The following MED22 variants were observed in gnomAD, a reference collection of about 807,000 sequenced individuals.
MED22 encodes mediator complex subunit 22, also known as mediator of RNA polymerase II transcription subunit 22.
Under a neutral mutation model 22.7 loss-of-function variants are expected in MED22, and 22 were observed. The ratio of observed to expected loss-of-function variants is 0.97; its 90% confidence interval spans 0.69 to 1.38. MED22 has a LOEUF of 1.38. MED22 is among the 40% of genes most tolerant of loss of function. The probability of loss-of-function intolerance (pLI) is 0.00; values close to 1 mark genes in which losing one functional copy is unlikely to be tolerated. For synonymous variants in MED22, 134 were observed against 119.4 expected (o/e 1.12, Z -0.80); for missense variants, 247 against 263.0 (o/e 0.94, Z 0.42).
At chr9:133,343,319 T>C in intron 4 of MED22, 2 of 1,229,434 alleles carry the variant, frequency 1.6e-6, no homozygotes, top group Non-Finnish European at 1.0e-6. Context: ...GAATCTTGAT[T>C]TTCTAAGCTA....
rs1386711088 is a variant in MED22, at chr9:133,340,377, A to C, written c.*1128T>G. 1 of 152,212 alleles carries C rather than the reference A, an allele frequency of 6.6e-6. No individual in the cohort carries two copies. The highest frequency in any genetic ancestry group is 1.5e-5 in the Non-Finnish European group (1 of 68,162). The allele number at this position is 152,212 out of a possible 1,614,324, so 9.4% of individuals were successfully genotyped here. A position where few individuals can be genotyped will look rare whatever the true frequency, so the allele number is the denominator to read the frequency against. On this transcript the variant is annotated 3_prime_UTR_variant, in exon 5 of 5. Transcript: ENST00000343730. ...CTGTCACCTCATTCATACATCGGGA[A>C]AGATGATGGCCTCCCCCATGAGAAG...
rs2129941120 is a variant in MED22 at position 133,338,602 on chromosome 9, G to A, written c.*2903C>T. On this transcript the variant is annotated 3_prime_UTR_variant, in exon 5 of 5. Transcript: ENST00000343730. The stretch of plus-strand genomic sequence containing the variant: ...ATTACAGGCGTGAGCCACCGCGCCC[G>A]GCCAATTTCTATACTTTTTAGTAGA... 7 of 189,134 alleles carry A rather than the reference G, an allele frequency of 3.7e-5. No homozygotes were observed. In the East Asian group the frequency reaches 4.1e-4, roughly 11 times the overall value. 11.7% of individuals were successfully genotyped at this position (189,134 alleles called of 1,614,324 possible). A position where few individuals can be genotyped will look rare whatever the true frequency, so the allele number is the denominator to read the frequency against.
intron 3 of MED22, 125 bp from the exon 4 acceptor site, chr9:133,344,458 A>ACTC: frequency 1.1e-6 from 1 of 893,154 alleles, no homozygotes; most frequent in East Asian, 2.6e-5. Context: ...GCAAAGTGGG[A>ACTC]CTCTACCCCT....
intron 4 of MED22, chr9:133,343,604 C>T (rs113255015): frequency 1.8e-5 from 23 of 1,244,242 alleles, no homozygotes; most frequent in Non-Finnish European, 2.1e-5. Context: ...CATTCCCTGC[C>T]TGGGCTTCAT....
chr9:133,345,976 T>C (rs1836168029), intron 2 of MED22, among the ~76,000 whole-genome samples: 1 of 151,986 alleles, frequency 6.6e-6, no homozygotes, highest in Admixed American at 6.5e-5. Flanking sequence ...CCTCACAGAG[T>C]CCTCATGAAG....
Position 133,346,486 on chromosome 9 carries a change from T to C in MED22, c.123+54A>G, listed in dbSNP as rs2129968296. ...GCGCTGCTCAGCCCCTGGCCTCTCCTGTCTCCACCCCTTCTCAGACTCTGC... is the reference window on the plus strand; with the variant it reads ...GCGCTGCTCAGCCCCTGGCCTCTCCCGTCTCCACCCCTTCTCAGACTCTGC... On this transcript the variant is annotated intron_variant, in intron 2 of 4. Transcript: ENST00000343730. The C allele has an allele frequency of 3.7e-6, 6 of 1,605,914 alleles. No individual in the cohort carries two copies. The East Asian group carries it at 1.1e-4, about 30-fold the overall frequency.
rs118141507 is a variant in MED22, at chr9:133,339,270, A to G, written c.*2235T>C. 72 of 662,946 alleles carry G rather than the reference A, an allele frequency of 1.1e-4. No homozygotes were observed. The highest frequency in any genetic ancestry group is 2.0e-4 in the Admixed American group (10 of 50,596). The allele number at this position is 662,946 out of a possible 1,614,324, so 41.1% of individuals were successfully genotyped here. Reference sequence around the variant, plus strand: ...GAGAATGAATGTGCATATTCAGCACACTAAGCACTCTAAGAGCCGAGAGAG... The same window carrying G: ...GAGAATGAATGTGCATATTCAGCACGCTAAGCACTCTAAGAGCCGAGAGAG... On this transcript the variant is annotated 3_prime_UTR_variant, in exon 5 of 5. Coordinates refer to ENST00000343730, the MANE Select transcript of MED22 (RefSeq NM_133640.5).
rs1200740277 is a variant in MED22, at chr9:133,341,102, GGAGACCCGGCCTGCCCAACACTGCTCA to G, written c.*376_*402del. ...GCACAGGAACGCTGGCCTCGGGATG[GGAGACCCGGCCTGCCCAACACTGCTCA>G]GAGCCCCTCCCAACTCTGACAACAG... On this transcript the variant is annotated 3_prime_UTR_variant, in exon 5 of 5. Coordinates refer to ENST00000343730, the MANE Select transcript of MED22 (RefSeq NM_133640.5). 2 of 163,574 alleles carry G rather than the reference GGAGACCCGGCCTGCCCAACACTGCTCA, an allele frequency of 1.2e-5. No homozygotes were observed. The highest frequency in any genetic ancestry group is 1.7e-4 in the South Asian group (1 of 5,908). The allele number at this position is 163,574 out of a possible 1,614,324, so 10.1% of individuals were successfully genotyped here.
chr9:133,342,971 C>T, intron 4 of MED22: 1 of 985,904 alleles, frequency 1.0e-6, no homozygotes, highest in Non-Finnish European at 1.2e-6. Context: ...AACTGAACAG[C>T]TGTGGAAGGA....
At position 133,344,138 on chromosome 9, in the gene MED22, A is replaced by C. The variant is rs2129959633; in HGVS notation, c.400T>G (p.Tyr134Asp). The stretch of plus-strand genomic sequence containing the variant: ...CGCTATTTATACCTGGACGAGTAAT[A>C]CTCCTCCTCCAGCTCGTAGAGGTCA... Reference protein sequence around the residue: ...SIDLYELEEEYYSSSSSLCEA... With the variant: ...SIDLYELEEEDYSSSSSLCEA... The change falls in exon 4 of 5, where the codon TAT becomes GAT. Residue 134 changes from tyrosine (Y) to aspartate (D), a missense_variant. Tyr to Asp is a radical substitution (Grantham distance 160, BLOSUM62 -3). Coordinates refer to ENST00000343730, the MANE Select transcript of MED22 (RefSeq NM_133640.5). The C allele has an allele frequency of 3.1e-6, 5 of 1,613,796 alleles. No homozygotes were observed. Among genetic ancestry groups the C allele is most frequent in the Non-Finnish European group, 2.5e-6 (3 of 1,180,002 alleles).
At chr9:133,345,313 G>A (rs117119759) in intron 2 of MED22, 61 bp from the exon 3 acceptor site, 29,828 of 1,525,606 alleles carry the variant, frequency 0.02, 486 homozygotes, top group Non-Finnish European at 0.024. Context: ...CCCCTGGCCC[G>A]GCCCAGCCCA....
chr9:133,339,094 G>A lies in MED22; in HGVS notation c.*2411C>T. On this transcript the variant is annotated 3_prime_UTR_variant, in exon 5 of 5. Transcript: ENST00000343730. ...TGGCCAAGTATATGCAAATTGATGA[G>A]AAAGGTGATATTGTAGATATCAAGG... The A allele has an allele frequency of 1.5e-6, 1 of 678,110 alleles. No homozygotes were observed. The highest frequency in any genetic ancestry group is 1.4e-5 in the South Asian group (1 of 73,424). 42.0% of individuals were successfully genotyped at this position (678,110 alleles called of 1,614,324 possible). A position where few individuals can be genotyped will look rare whatever the true frequency, so the allele number is the denominator to read the frequency against.
chr9:133,339,357 T>C lies in MED22; in HGVS notation c.*2148A>G. On this transcript the variant is annotated 3_prime_UTR_variant, in exon 5 of 5. Transcript: ENST00000343730. Reference sequence around the variant, plus strand: ...GAGGGAAGCCAAAGAGAAAGGTACCTGGATTCAACTGAAGCGCCAGCCTGC... The same window carrying C: ...GAGGGAAGCCAAAGAGAAAGGTACCCGGATTCAACTGAAGCGCCAGCCTGC... 1.4e-6 allele frequency: 1 copy of C among 732,098 alleles called. No homozygotes were observed. The allele number at this position is 732,098 out of a possible 1,614,324, so 45.4% of individuals were successfully genotyped here. A position where few individuals can be genotyped will look rare whatever the true frequency, so the allele number is the denominator to read the frequency against.
At chr9:133,346,823 T>C (rs2129970170) in intron 1 of MED22, 123 bp from the exon 2 acceptor site, 15 of 900,060 alleles carry the variant, frequency 1.7e-5, no homozygotes, top group Non-Finnish European at 2.5e-5. Context: ...AGTCAATCAC[T>C]GAAACACAGA....
chr9:133,339,352 G>C lies in MED22; in HGVS notation c.*2153C>G. 1.4e-6 allele frequency: 1 copy of C among 731,658 alleles called. No individual in the cohort carries two copies. The highest frequency in any genetic ancestry group is 2.6e-6 in the Non-Finnish European group (1 of 391,122). The allele number at this position is 731,658 out of a possible 1,614,324, so 45.3% of individuals were successfully genotyped here. ...AAAAAGAGGGAAGCCAAAGAGAAAG[G>C]TACCTGGATTCAACTGAAGCGCCAG... On this transcript the variant is annotated 3_prime_UTR_variant, in exon 5 of 5. Coordinates refer to ENST00000343730, the MANE Select transcript of MED22 (RefSeq NM_133640.5).
At position 133,348,097 on chromosome 9, in the gene MED22, C is replaced by T; in HGVS notation, c.-214G>A. The T allele has an allele frequency of 8.2e-7, 1 of 1,214,776 alleles. No homozygotes were observed. The allele number at this position is 1,214,776 out of a possible 1,614,324, so 75.2% of individuals were successfully genotyped here. A position where few individuals can be genotyped will look rare whatever the true frequency, so the allele number is the denominator to read the frequency against. On this transcript the variant is annotated 5_prime_UTR_variant, in exon 1 of 5. Transcript: ENST00000343730. The stretch of plus-strand genomic sequence containing the variant: ...AAAACCTAGTCAGCCGCCGCAGCCT[C>T]TCGGCCCCGCCTCGATTTTTAGCTT...
chr9:133,346,293 G>A, intron 2 of MED22: 1 of 511,336 alleles, frequency 2.0e-6, no homozygotes, highest in South Asian at 2.2e-5. Context: ...AAACTCACCA[G>A]TCATCACAAG....
chr9:133,345,644 T>C (rs1836158157), intron 2 of MED22, among the ~76,000 whole-genome samples: 1 of 152,170 alleles, frequency 6.6e-6, no homozygotes, highest in Admixed American at 6.5e-5. Flanking sequence ...GATTTAAGTT[T>C]TTTTTCGCGA....
chr9:133,344,759 T>G (rs1836133184), intron 3 of MED22, among the ~76,000 whole-genome samples: 1 of 152,172 alleles, frequency 6.6e-6, no homozygotes, highest in South Asian at 2.1e-4. Context: ...CCTGCGGAAT[T>G]ATCTGCTTGC....
Sources: allele counts gnomAD v4.1 joint callset (sites outside exome capture counted in the v4.1 genomes callset), GRCh38; gene constraint gnomAD v4.1.1; transcripts MANE v1.5; gene names NCBI Gene and HGNC (gene_info 2026-07-23, HGNC 2026-07-21).